QSOX2: variants seen among roughly 807,000 people sequenced by gnomAD.
QSOX2 encodes sulfhydryl oxidase 2.
QSOX2 carries 46 observed loss-of-function variants against 61.7 expected under a neutral mutation model. That is an observed-to-expected ratio of 0.75 (90% CI 0.59 to 0.95). The LOEUF (loss-of-function observed/expected upper bound fraction) is 0.95. QSOX2 is among the 40% of genes least tolerant of loss of function. The pLI is 0.00. For missense variants in QSOX2, 879 were observed against 918.9 expected (o/e 0.96, Z 0.56); for synonymous variants, 383 against 388.4 (o/e 0.99, Z 0.16).
Position 136,245,675 on chromosome 9 carries a change from C to T in QSOX2, c.129G>A (p.Ala43=). The T allele has an allele frequency of 8.3e-7, 1 of 1,207,690 alleles. No individual in the cohort carries two copies. The highest frequency in any genetic ancestry group is 1.0e-6 in the Non-Finnish European group (1 of 975,386). The allele number at this position is 1,207,690 out of a possible 1,614,324, so 74.8% of individuals were successfully genotyped here. A position where few individuals can be genotyped will look rare whatever the true frequency, so the allele number is the denominator to read the frequency against. Residue 43 remains alanine (A), a synonymous_variant, in exon 1 of 12, where the codon GCG becomes GCA. Coordinates refer to ENST00000358701, the MANE Select transcript of QSOX2 (RefSeq NM_181701.4). ...CACCGCCCGCGCCCGGCCCCACCGCCGCCGCCGCTAGCAGCACTAGCAGCC... is the reference window on the plus strand; with the variant it reads ...CACCGCCCGCGCCCGGCCCCACCGCTGCCGCCGCTAGCAGCACTAGCAGCC... The part of the protein sequence containing the change: ...LPRLLVLLAA[A]AVGPGAGGAA...
At chr9:136,214,812 C>G (rs1831889542) in intron 10 of QSOX2, among the ~76,000 whole-genome samples, 1 of 152,212 alleles carries the variant, frequency 6.6e-6, no homozygotes, top group Non-Finnish European at 1.5e-5. Flanking sequence ...AATGAGAACA[C>G]CTCTCCAAAC....
At chr9:136,229,797 G>C (rs1328303510) in intron 1 of QSOX2, among the ~76,000 whole-genome samples, 1 of 152,156 alleles carries the variant, frequency 6.6e-6, no homozygotes, top group African/African-American at 2.4e-5. Flanking sequence ...CCAGGCACTT[G>C]CTGGCCACAT....
rs1325887892 is a variant in QSOX2, at chr9:136,245,499, C to T, written c.305G>A (p.Arg102Gln). ...GHCIGYAPTWRALAGDVRDWA... is the reference protein window; with the variant it reads ...GHCIGYAPTWQALAGDVRDWA... ...ACCTCGCACATCCCCAGCCAGGGCC[C>T]GCCAAGTGGGCGCGTAGCCGATGCA... The change falls in exon 1 of 12, where the codon CGG becomes CAG. Residue 102 changes from arginine (R) to glutamine (Q), a missense_variant. By Grantham distance (43) the Arg-to-Gln change is conservative. Coordinates refer to ENST00000358701, the MANE Select transcript of QSOX2 (RefSeq NM_181701.4). The T allele has an allele frequency of 1.1e-5, 18 of 1,593,330 alleles. 1 individual carries two copies. The Admixed American group carries it at 3.0e-4, about 27-fold the overall frequency.
At position 136,208,072 on chromosome 9, in the gene QSOX2, G is replaced by C. The variant is rs529180974; in HGVS notation, c.*656C>G. ...GCTCCTCCCCTGTTGAAATCCCCAC[G>C]TCTGGTGTCGAACACCCGGAGGAAC... is the stretch of plus-strand genomic sequence containing the variant. On this transcript the variant is annotated 3_prime_UTR_variant, in exon 12 of 12. Coordinates refer to ENST00000358701, the MANE Select transcript of QSOX2 (RefSeq NM_181701.4). 806 of 152,128 alleles carry C rather than the reference G, an allele frequency of 5.3e-3. 2 individuals carry two copies. Among genetic ancestry groups the C allele is most frequent in the Non-Finnish European group, 7.4e-3 (502 of 68,040 alleles). 9.4% of individuals were successfully genotyped at this position (152,128 alleles called of 1,614,324 possible). A position where few individuals can be genotyped will look rare whatever the true frequency, so the allele number is the denominator to read the frequency against.
chr9:136,237,832 C>T (rs1830402890), intron 1 of QSOX2, among the ~76,000 whole-genome samples: 1 of 152,252 alleles, frequency 6.6e-6, no homozygotes, highest in Admixed American at 6.5e-5. Context: ...GCTAAACACA[C>T]GATTCTCACA....
At chr9:136,212,047 C>G (rs996215936) in intron 10 of QSOX2, among the ~76,000 whole-genome samples, 2 of 152,252 alleles carry the variant, frequency 1.3e-5, no homozygotes, top group African/African-American at 4.8e-5. Context: ...TGGGCAGGCA[C>G]AGGGACGGGT....
chr9:136,223,186 G>A lies in QSOX2; in HGVS notation c.675+577C>T, dbSNP rs1830242487. On this transcript the variant is annotated intron_variant, in intron 5 of 11. Transcript: ENST00000358701. This position sits in a 1 kb window ranked among gnomAD's most constrained non-coding sequence, Gnocchi z 4.4. ...GGAGGAGAAGCTCAGGGTGAGTGCT[G>A]GGCGAACGCATGTGCAGTGAGGCCT... Among the ~76,000 whole-genome samples the A allele has an allele frequency of 6.6e-6, 1 of 152,168 alleles. No homozygotes were observed. The highest frequency in any genetic ancestry group is 1.5e-5 in the Non-Finnish European group (1 of 68,040).
intron 1 of QSOX2, among the ~76,000 whole-genome samples, chr9:136,243,499 C>T (rs1319668480): frequency 6.6e-6 from 1 of 152,254 alleles, no homozygotes; most frequent in East Asian, 1.9e-4. Context: ...TCAGAATCCA[C>T]CTATGATCTG....
At position 136,245,545 on chromosome 9, in the gene QSOX2, A is replaced by G. The variant is rs776361299; in HGVS notation, c.259T>C (p.Tyr87His). The G allele has an allele frequency of 1.9e-6, 3 of 1,587,780 alleles. No individual in the cohort carries two copies. Among genetic ancestry groups the G allele is most frequent in the Non-Finnish European group, 2.6e-6 (3 of 1,175,262 alleles). The change falls in exon 1 of 12, where the codon TAC becomes CAC. Residue 87 changes from tyrosine to histidine, a missense_variant. By Grantham distance (83) the Tyr-to-His change is moderately conservative. Coordinates refer to ENST00000358701, the MANE Select transcript of QSOX2 (RefSeq NM_181701.4). ...NSSAAWLVQF[Y>H]SSWCGHCIGY... Reference sequence around the variant, plus strand: ...ATGCAGTGGCCACACCACGACGAGTAGAACTGCACGAGCCACGCGGCCGAG... The same window carrying G: ...ATGCAGTGGCCACACCACGACGAGTGGAACTGCACGAGCCACGCGGCCGAG...
chr9:136,220,897 G>A (rs1831973048), intron 6 of QSOX2, among the ~76,000 whole-genome samples: 1 of 151,926 alleles, frequency 6.6e-6, no homozygotes, highest in East Asian at 1.9e-4. Flanking sequence ...TAGTATAGAT[G>A]GGGTCTTACT....
chr9:136,242,670 G>A (rs1213442061), intron 1 of QSOX2, among the ~76,000 whole-genome samples: 1 of 152,270 alleles, frequency 6.6e-6, no homozygotes, highest in Non-Finnish European at 1.5e-5. Flanking sequence ...CAGACAGGGA[G>A]CCAGGCGCCA....
intron 1 of QSOX2, among the ~76,000 whole-genome samples, chr9:136,234,210 T>C (rs1830357231): frequency 6.6e-6 from 1 of 152,248 alleles, no homozygotes; most frequent in South Asian, 2.1e-4. Flanking sequence ...CTAGCTTCCT[T>C]TACTGTAAGA....
intron 1 of QSOX2, among the ~76,000 whole-genome samples, chr9:136,233,738 C>G (rs548849588): frequency 2.6e-5 from 4 of 152,214 alleles, no homozygotes; most frequent in Non-Finnish European, 5.9e-5. Flanking sequence ...CAGAAGACGA[C>G]GCTGTGGAGC....
rs187813119 is a variant in QSOX2, at chr9:136,226,328, G to A, written c.429+446C>T. On this transcript the variant is annotated intron_variant, in intron 2 of 11. Transcript: ENST00000358701. ...TGGGCACAGCCTTGTCTGCAGGGCT[G>A]ACTTTGGCTGGGGAAGGCAGAGGCC... Among the ~76,000 whole-genome samples, 94 of 152,352 alleles carry A rather than the reference G, an allele frequency of 6.2e-4. 2 individuals carry two copies. The East Asian group carries it at 0.015, about 24-fold the overall frequency.
At chr9:136,216,448 G>A (rs1346121426) in intron 9 of QSOX2, 152 bp downstream of exon 9, 2 of 1,047,198 alleles carry the variant, frequency 1.9e-6, no homozygotes, top group Non-Finnish European at 2.7e-6. Context: ...GGAGGCCATG[G>A]CCATGATGCT....
At chr9:136,236,074 C>T (rs1332443226) in intron 1 of QSOX2, among the ~76,000 whole-genome samples, 3 of 152,194 alleles carry the variant, frequency 2.0e-5, no homozygotes, top group Non-Finnish European at 4.4e-5. Context: ...CTGCACCCCA[C>T]CAAGTCAACC....
rs1037587850 is a variant in QSOX2 at position 136,211,013 on chromosome 9, C to T, written c.1549+251G>A. ...CCGATGGGGGAAGAAAGAGCCACACCCATTTCCACGGGGTCGAAGAGCCCC... is the reference window on the plus strand; with the variant it reads ...CCGATGGGGGAAGAAAGAGCCACACTCATTTCCACGGGGTCGAAGAGCCCC... On this transcript the variant is annotated intron_variant, in intron 11 of 11. Transcript: ENST00000358701. 14 of 629,458 alleles carry T rather than the reference C, an allele frequency of 2.2e-5. No homozygotes were observed. The East Asian group carries it at 2.0e-3, about 88-fold the overall frequency. 39.0% of individuals were successfully genotyped at this position (629,458 alleles called of 1,614,324 possible). A position where few individuals can be genotyped will look rare whatever the true frequency, so the allele number is the denominator to read the frequency against.
In QSOX2 at chr9:136,222,326, G is replaced by A. The variant is rs1830226947; in HGVS notation, c.676-385C>T. On this transcript the variant is annotated intron_variant, in intron 5 of 11. Coordinates refer to ENST00000358701, the MANE Select transcript of QSOX2 (RefSeq NM_181701.4). This position sits in a 1 kb window ranked among gnomAD's most constrained non-coding sequence, Gnocchi z 6.9. ...CGCGTGTGGAAGCTTCGTGGCCGGG[G>A]CAGCAGGCCTCGTGCTGCCGCTCCT... Among the ~76,000 whole-genome samples the A allele has an allele frequency of 1.3e-5, 2 of 152,210 alleles. No homozygotes were observed. The highest frequency in any genetic ancestry group is 4.8e-5 in the African/African-American group (2 of 41,458).
rs375996934 is a variant in QSOX2, at chr9:136,214,785, G to A, written c.1360+369C>T. Among the ~76,000 whole-genome samples, 124 of 152,326 alleles carry A rather than the reference G, an allele frequency of 8.1e-4. 2 individuals are homozygous for A. Among genetic ancestry groups the A allele is most frequent in the Middle Eastern group, 3.4e-3 (1 of 294 alleles). On this transcript the variant is annotated intron_variant, in intron 10 of 11. Coordinates refer to ENST00000358701, the MANE Select transcript of QSOX2 (RefSeq NM_181701.4). ...TGGCTGCTAAATTTTGGGGTGATTTGTTATACAACAGCTGATAATGAGAAC... is the reference window on the plus strand; with the variant it reads ...TGGCTGCTAAATTTTGGGGTGATTTATTATACAACAGCTGATAATGAGAAC...
Sources: gnomAD v4.1 joint callset for allele counts (sites outside exome capture counted in the v4.1 genomes callset) on GRCh38, gnomAD v4.1.1 for gene constraint, Gnocchi (gnomAD v3.1) non-coding constraint, MANE v1.5 for transcripts, NCBI Gene and HGNC (gene_info 2026-07-23, HGNC 2026-07-21) for gene names.